Variants in NRXN3 observed in about 807,000 individuals in gnomAD.
NRXN3 encodes neurexin 3.
Under a neutral mutation model 137.6 loss-of-function variants are expected in NRXN3, and 32 were observed. The ratio of observed to expected loss-of-function variants is 0.23; its 90% CI spans 0.18 to 0.31. The LOEUF is 0.31. NRXN3 is among the 10% of genes least tolerant of loss of function. The pLI, the probability that NRXN3 is intolerant of heterozygous loss-of-function variation, is 1.00. For synonymous variants in NRXN3, 798 were observed against 784.5 expected (o/e 1.02, Z -0.29); for missense variants, 1,574 against 2,062.5 (o/e 0.76, Z 4.59).
At chr14:79,686,292 C>CAG (rs1321994464) in intron 17 of NRXN3, among the ~76,000 whole-genome samples, 2 of 152,036 alleles carry the variant, frequency 1.3e-5, no homozygotes, top group Admixed American at 6.6e-5. Flanking sequence ...ACAGGCTCAT[C>CAG]AGAGAGAGAG....
intron 4 of NRXN3, among the ~76,000 whole-genome samples, chr14:78,497,925 C>T (rs73320491): frequency 0.021 from 3,174 of 152,174 alleles, 101 homozygotes; most frequent in African/African-American, 0.069. Context: ...CATTTTGTCC[C>T]GGAGGAATAG....
At chr14:79,851,529 C>T (rs527296164) in intron 20 of NRXN3, among the ~76,000 whole-genome samples, 7 of 152,138 alleles carry the variant, frequency 4.6e-5, no homozygotes, top group African/African-American at 9.6e-5. Context: ...CGTCCCATAG[C>T]GGGCAAAAGT....
intron 4 of NRXN3, among the ~76,000 whole-genome samples, chr14:78,352,310 G>A (rs2083643323): frequency 6.6e-6 from 1 of 152,128 alleles, no homozygotes; most frequent in Non-Finnish European, 1.5e-5. Flanking sequence ...CTAACTTACA[G>A]TGCTCTTTTC....
At chr14:79,342,948 T>C (rs928124616) in intron 15 of NRXN3, among the ~76,000 whole-genome samples, 1 of 152,076 alleles carries the variant, frequency 6.6e-6, no homozygotes. Flanking sequence ...TTTTTCAAGA[T>C]AATTTGGCGG....
At chr14:78,864,590 C>T (rs2099081656) in intron 10 of NRXN3, among the ~76,000 whole-genome samples, 1 of 152,074 alleles carries the variant, frequency 6.6e-6, no homozygotes, top group Non-Finnish European at 1.5e-5. Context: ...TATTTTCCCA[C>T]CCATTATTAG....
intron 1 of NRXN3, among the ~76,000 whole-genome samples, chr14:78,189,180 A>G (rs535545256): frequency 6.6e-6 from 1 of 152,194 alleles, no homozygotes; most frequent in South Asian, 2.1e-4. Context: ...GACCTGGAAT[A>G]TGACTATACT....
intron 15 of NRXN3, among the ~76,000 whole-genome samples, chr14:79,187,793 C>T (rs1366780551): frequency 6.6e-6 from 1 of 152,182 alleles, no homozygotes; most frequent in Non-Finnish European, 1.5e-5. Flanking sequence ...ATGGACTTTT[C>T]TTGGATGAGA....
At chr14:79,035,890 C>G (rs1242877412) in intron 15 of NRXN3, among the ~76,000 whole-genome samples, 5 of 152,028 alleles carry the variant, frequency 3.3e-5, no homozygotes, top group South Asian at 2.1e-4. Flanking sequence ...ACTTTATAAA[C>G]AAATATAAAA....
In NRXN3 at chr14:79,866,227, T is replaced by C. The variant is rs547050072; in HGVS notation, c.*4263T>C. The C allele has an allele frequency of 9.2e-4, 140 of 152,322 alleles. No individual in the cohort carries two copies. The highest frequency in any genetic ancestry group is 3.2e-3 in the African/African-American group (133 of 41,568). 9.4% of individuals were successfully genotyped at this position (152,322 alleles called of 1,614,324 possible). ...TGTCCCAGTTGAACTAATATCTTGA[T>C]TATATAGTTTAAGATCAGTTTGATA... is the stretch of plus-strand genomic sequence containing the variant. On this transcript the variant is annotated 3_prime_UTR_variant, in exon 21 of 21. Transcript: ENST00000335750.
intron 15 of NRXN3, among the ~76,000 whole-genome samples, chr14:79,104,184 G>A (rs1346217297): frequency 6.6e-6 from 1 of 152,144 alleles, no homozygotes; most frequent in East Asian, 1.9e-4. Context: ...ATTGTGTTGA[G>A]TATTTAGTTT....
chr14:78,855,156 G>A (rs1444115049), intron 10 of NRXN3, among the ~76,000 whole-genome samples: 1 of 144,962 alleles, frequency 6.9e-6, no homozygotes. Flanking sequence ...GAGCGAGACT[G>A]CATCTCAAAA....
At chr14:79,747,938 G>A (rs996202021) in intron 19 of NRXN3, among the ~76,000 whole-genome samples, 1 of 151,720 alleles carries the variant, frequency 6.6e-6, no homozygotes, top group African/African-American at 2.4e-5. Flanking sequence ...GGGTTATTGT[G>A]AACTCTAAAT....
chr14:79,519,195 AG>A (rs2097030531), intron 16 of NRXN3, among the ~76,000 whole-genome samples: 1 of 151,914 alleles, frequency 6.6e-6, no homozygotes, highest in Non-Finnish European at 1.5e-5. Flanking sequence ...CTATCTCCCA[AG>A]TTTTCATATA....
Position 79,692,221 on chromosome 14 carries a change from T to C in NRXN3, c.3665T>C (p.Phe1222Ser). ...CAAATGGTAAAACAGAAAATCCCCT[T>C]CAAATATAATCGGCCTGTAGAGGAG... ...RFQMVKQKIPFKYNRPVEEWL... is the reference protein window; with the variant it reads ...RFQMVKQKIPSKYNRPVEEWL... The change falls in exon 18 of 21, where the codon TTC (phenylalanine) becomes TCC (serine). Residue 1222 changes from phenylalanine (F) to serine (S), a missense_variant. Transcript: ENST00000335750. 1 of 1,610,214 alleles carries C rather than the reference T, an allele frequency of 6.2e-7. No individual in the cohort carries two copies. Among genetic ancestry groups the C allele is most frequent in the Non-Finnish European group, 8.5e-7 (1 of 1,178,182 alleles).
chr14:78,489,654 T>C (rs1010018282), intron 4 of NRXN3, among the ~76,000 whole-genome samples: 1 of 152,148 alleles, frequency 6.6e-6, no homozygotes, highest in East Asian at 1.9e-4. Context: ...AAATCTATTT[T>C]CTTCCCCTTC....
chr14:78,324,906 C>T (rs1412797124), intron 4 of NRXN3, among the ~76,000 whole-genome samples: 1 of 151,828 alleles, frequency 6.6e-6, no homozygotes, highest in Non-Finnish European at 1.5e-5. Context: ...ATTTGGCCAT[C>T]ATCACTTAAT....
intron 8 of NRXN3, among the ~76,000 whole-genome samples, chr14:78,778,951 C>G (rs903231070): frequency 6.6e-6 from 1 of 151,888 alleles, no homozygotes; most frequent in African/African-American, 2.4e-5. Flanking sequence ...TTGAAACTCA[C>G]TAGAACCAAA....
chr14:79,198,490 C>T (rs1006917401), intron 15 of NRXN3, among the ~76,000 whole-genome samples: 7 of 152,068 alleles, frequency 4.6e-5, no homozygotes, highest in Non-Finnish European at 4.4e-5. Context: ...TTAGTGAGAA[C>T]GATATGATTT....
chr14:78,881,728 TA>T (rs1197873908), intron 10 of NRXN3, among the ~76,000 whole-genome samples: 2 of 151,872 alleles, frequency 1.3e-5, no homozygotes, highest in Non-Finnish European at 2.9e-5. Flanking sequence ...AAGCAGAGCA[TA>T]AAAGTTTGGA....
Sources: gnomAD v4.1 joint callset for allele counts (sites outside exome capture counted in the v4.1 genomes callset) on GRCh38, gnomAD v4.1.1 for gene constraint, MANE v1.5 for transcripts, NCBI Gene and HGNC (gene_info 2026-07-23, HGNC 2026-07-21) for gene names.